Variants in TRAPPC12 observed in about 807,000 individuals in gnomAD.
TRAPPC12 encodes trafficking protein particle complex subunit 12.
Under a neutral mutation model 69.2 loss-of-function variants are expected in TRAPPC12, and 61 were observed. The observed-to-expected ratio is 0.88, with a 90% CI of 0.72 to 1.09. The LOEUF is 1.09. TRAPPC12 is among the 50% of genes least tolerant of loss of function. The probability of loss-of-function intolerance (pLI) is 0.00; values close to 1 mark genes in which losing one functional copy is unlikely to be tolerated. For synonymous variants in TRAPPC12, 469 were observed against 438.9 expected, an observed-to-expected ratio of 1.07 and a Z score of -0.86; for missense variants, 1,101 against 1,016.4, an observed-to-expected ratio of 1.08 and a Z score of -1.13.
In TRAPPC12 at chr2:3,431,189, C is replaced by A. The variant is rs1663415514; in HGVS notation, c.1417+6526C>A. Among the ~76,000 whole-genome samples, 3 of 152,374 alleles carry A rather than the reference C, an allele frequency of 2.0e-5. No individual in the cohort carries two copies. In the South Asian group the frequency reaches 6.2e-4, roughly 32 times the overall value. Reference sequence around the variant, plus strand: ...GAGGCCCTAGGCCACCTGCTGCCCTCGCCGTCTTCCATCGAGTACAGTGGG... The same window carrying A: ...GAGGCCCTAGGCCACCTGCTGCCCTAGCCGTCTTCCATCGAGTACAGTGGG... On this transcript the variant is annotated intron_variant, in intron 5 of 11. Coordinates refer to ENST00000324266, the MANE Select transcript of TRAPPC12 (RefSeq NM_016030.6).
rs1324492013 is a variant in TRAPPC12, at chr2:3,438,549, C to T, written c.1418-5230C>T. 2.8e-5 allele frequency among the ~76,000 whole-genome samples: 4 copies of T among 145,442 alleles called. No individual in the cohort carries two copies. The East Asian group carries it at 6.3e-4, about 23-fold the overall frequency. On this transcript the variant is annotated intron_variant, in intron 5 of 11. Coordinates refer to ENST00000324266, the MANE Select transcript of TRAPPC12 (RefSeq NM_016030.6). ...TCCCCCTGGGTTAATCCCCACCACC[C>T]GTGGATTGATCCCCCCTCACCCCTG...
chr2:3,399,613 C>T (rs965150513), intron 2 of TRAPPC12, among the ~76,000 whole-genome samples: 26 of 152,182 alleles, frequency 1.7e-4, no homozygotes, highest in African/African-American at 5.3e-4. Flanking sequence ...CCCCTTCTGC[C>T]GCAGGCTGTT....
chr2:3,431,738 T>C lies in TRAPPC12; in HGVS notation c.1417+7075T>C, dbSNP rs527375826. Among the ~76,000 whole-genome samples the C allele has an allele frequency of 5.9e-5, 9 of 152,338 alleles. No homozygotes were observed. The South Asian group carries it at 1.0e-3, about 18-fold the overall frequency. Reference sequence around the variant, plus strand: ...ATTCATTTTATATTAACAGCTTGCATTGGTGTGGTACATTTGTTACAATTG... The same window carrying C: ...ATTCATTTTATATTAACAGCTTGCACTGGTGTGGTACATTTGTTACAATTG... On this transcript the variant is annotated intron_variant, in intron 5 of 11. Coordinates refer to ENST00000324266, the MANE Select transcript of TRAPPC12 (RefSeq NM_016030.6).
At chr2:3,443,244 G>A (rs762231038) in intron 5 of TRAPPC12, among the ~76,000 whole-genome samples, 7 of 152,238 alleles carry the variant, frequency 4.6e-5, no homozygotes, top group African/African-American at 7.2e-5. Flanking sequence ...ATGGAATCCA[G>A]TGGGAGGCCC....
chr2:3,454,798 A>G (rs1192471712), intron 6 of TRAPPC12: 3 of 152,348 alleles, frequency 2.0e-5, no homozygotes, highest in East Asian at 1.9e-4. Context: ...TGAGACCACC[A>G]TGGCCCTGTG....
chr2:3,425,309 A>G (rs539794335), intron 5 of TRAPPC12, among the ~76,000 whole-genome samples: 3 of 152,314 alleles, frequency 2.0e-5, no homozygotes, highest in Admixed American at 6.5e-5. Context: ...GAAGCCTCTC[A>G]TGTGTTCTTA....
At chr2:3,473,186 G>A (rs13429355) in intron 9 of TRAPPC12, among the ~76,000 whole-genome samples, 4,638 of 152,216 alleles carry the variant, frequency 0.03, 242 homozygotes, top group African/African-American at 0.1. Flanking sequence ...GAGCAGGTGA[G>A]GGGGGGTCAG....
chr2:3,388,188 A>G lies in TRAPPC12; in HGVS notation c.565A>G (p.Ser189Gly). Residue 189 changes from serine (S) to glycine (G), a missense_variant, in exon 2 of 12, where the codon AGC (serine) becomes GGC (glycine). Physicochemically the swap from Ser to Gly is moderately conservative, Grantham distance 56. Transcript: ENST00000324266. ...MVKSPSFGGA[S>G]EASARTPPQV... Reference sequence around the variant, plus strand: ...GAAGTCGCCCAGCTTCGGTGGCGCCAGCGAGGCCTCGGCCAGGACACCGCC... The same window carrying G: ...GAAGTCGCCCAGCTTCGGTGGCGCCGGCGAGGCCTCGGCCAGGACACCGCC... 3 of 1,609,100 alleles carry G rather than the reference A, an allele frequency of 1.9e-6. No individual in the cohort carries two copies. Among genetic ancestry groups the G allele is most frequent in the Non-Finnish European group, 1.7e-6 (2 of 1,177,858 alleles).
intron 3 of TRAPPC12, among the ~76,000 whole-genome samples, chr2:3,407,718 T>TGAAC (rs1434518369): frequency 6.6e-6 from 1 of 151,222 alleles, no homozygotes; most frequent in East Asian, 1.9e-4. Context: ...AGGAGAATGG[T>TGAAC]CTGGGAGGCA....
chr2:3,422,198 C>T (rs1295841535), intron 4 of TRAPPC12, among the ~76,000 whole-genome samples: 2 of 152,342 alleles, frequency 1.3e-5, no homozygotes, highest in Non-Finnish European at 2.9e-5. Context: ...CCCAGAAGCA[C>T]GCTCACAAGT....
intron 3 of TRAPPC12, among the ~76,000 whole-genome samples, chr2:3,402,296 T>C (rs961137719): frequency 1.3e-5 from 2 of 152,142 alleles, no homozygotes; most frequent in African/African-American, 4.8e-5. Flanking sequence ...TATAAGTAGG[T>C]TTTTAAAATT....
chr2:3,388,637 C>G lies in TRAPPC12; in HGVS notation c.1014C>G (p.Leu338=), dbSNP rs768592903. The G allele has an allele frequency of 6.3e-7, 1 of 1,582,698 alleles. No individual in the cohort carries two copies. The highest frequency in any genetic ancestry group is 1.1e-5 in the South Asian group (1 of 87,298). The stretch of plus-strand genomic sequence containing the variant: ...CCGTGTTCGTGGACAAGGAGAACCT[C>G]ACCATGCCGGGCCTCAGGTTCGACA... The part of the protein sequence containing the change: ...RGAVFVDKEN[L]TMPGLRFDNI... The change falls in exon 2 of 12, where the codon CTC becomes CTG. Residue 338 remains leucine (L), a synonymous_variant. Transcript: ENST00000324266.
At chr2:3,392,178 G>C (rs901854787) in intron 2 of TRAPPC12, among the ~76,000 whole-genome samples, 3 of 152,124 alleles carry the variant, frequency 2.0e-5, no homozygotes, top group Non-Finnish European at 4.4e-5. Context: ...GAAAACACCT[G>C]TTCCTCAAAA....
chr2:3,456,954 A>ATATCTGC (rs1665186698), intron 6 of TRAPPC12: 16 of 379,784 alleles, frequency 4.2e-5, no homozygotes, highest in South Asian at 3.2e-4. Context: ...CAGATACTTC[A>ATATCTGC]AGAACATCAT....
chr2:3,409,749 TTAAAAAAAAAA>T (rs1661944540), intron 3 of TRAPPC12, among the ~76,000 whole-genome samples: 3 of 88,708 alleles, frequency 3.4e-5, no homozygotes, highest in Admixed American at 1.1e-4. Context: ...GACTTTGTCT[TTAAAAAAAAAA>T]AAAAAAAAAA....
chr2:3,401,716 G>A, intron 2 of TRAPPC12, 61 bp from the exon 3 acceptor site: 1 of 1,175,016 alleles, frequency 8.5e-7, no homozygotes, highest in Non-Finnish European at 1.2e-6. Context: ...TATGGGTTCT[G>A]GTTAGCTGAG....
intron 4 of TRAPPC12, among the ~76,000 whole-genome samples, 172 bp downstream of exon 4, chr2:3,422,166 G>T (rs1662836547): frequency 6.6e-6 from 1 of 152,188 alleles, no homozygotes; most frequent in South Asian, 2.1e-4. Flanking sequence ...TCTCACTTCG[G>T]CCCGTCAGGA....
rs1660559845 is a variant in TRAPPC12, at chr2:3,387,705, G to A, written c.82G>A (p.Gly28Arg). 1.9e-6 allele frequency: 3 copies of A among 1,589,366 alleles called. No homozygotes were observed. The highest frequency in any genetic ancestry group is 1.3e-5 in the African/African-American group (1 of 74,172). Residue 28 changes from glycine to arginine, a missense_variant, in exon 2 of 12, where the codon GGG becomes AGG. Gly to Arg is a moderately radical substitution (Grantham distance 125). Transcript: ENST00000324266. Reference sequence around the variant, plus strand: ...TCAGCTCGCGCCTCCGGAGGAGCAGGGGTTGCTCTTCCAGGAGGAAACCAT... The same window carrying A: ...TCAGCTCGCGCCTCCGGAGGAGCAGAGGTTGCTCTTCCAGGAGGAAACCAT... ...PPQLAPPEEQ[G>R]LLFQEETIDL... is the part of the protein sequence containing the mutation.
chr2:3,453,610 G>A (rs191994053), intron 6 of TRAPPC12, among the ~76,000 whole-genome samples: 4 of 152,270 alleles, frequency 2.6e-5, no homozygotes, highest in South Asian at 2.1e-4. Context: ...CAAACGAACC[G>A]GGTGTGGCGT....
Sources: allele counts gnomAD v4.1 joint callset (sites outside exome capture counted in the v4.1 genomes callset), GRCh38; gene constraint gnomAD v4.1.1; transcripts MANE v1.5; gene names NCBI Gene and HGNC (gene_info 2026-07-23, HGNC 2026-07-21).